MAP4K4: variants seen among roughly 807,000 people sequenced by gnomAD.
MAP4K4 encodes the protein mitogen-activated protein kinase kinase kinase kinase 4, also known as HPK/GCK-like kinase HGK.
Under a neutral mutation model 189.6 loss-of-function variants are expected in MAP4K4, and 38 were observed. That is an observed-to-expected ratio of 0.20 (90% CI 0.15 to 0.26). The LOEUF is 0.26. MAP4K4 is among the 10% of genes least tolerant of loss of function. The probability of loss-of-function intolerance (pLI) is 1.00; values close to 1 mark genes in which losing one functional copy is unlikely to be tolerated. For synonymous variants in MAP4K4, 610 were observed against 624.3 expected, an observed-to-expected ratio of 0.98 and a Z score of 0.34; for missense variants, 1,054 against 1,726.9, an observed-to-expected ratio of 0.61 and a Z score of 6.91.
At chr2:101,827,024 A>AT (rs2096391927) in intron 5 of MAP4K4, among the ~76,000 whole-genome samples, 2 of 152,144 alleles carry the variant, frequency 1.3e-5, no homozygotes, top group South Asian at 4.1e-4. Context: ...CATCAAATGT[A>AT]TTTCAGCCTT....
At chr2:101,726,693 T>C (rs1231264239) in intron 2 of MAP4K4, among the ~76,000 whole-genome samples, 1 of 152,210 alleles carries the variant, frequency 6.6e-6, no homozygotes, top group Non-Finnish European at 1.5e-5. Context: ...GAGTATAGAA[T>C]ATATTCCTTA....
chr2:101,773,020 G>C (rs77025356), intron 2 of MAP4K4, among the ~76,000 whole-genome samples: 1,637 of 152,300 alleles, frequency 0.011, 39 homozygotes, highest in African/African-American at 0.037. Flanking sequence ...CTTCACATTG[G>C]TGTAGGGTAG....
chr2:101,882,653 G>A, exon 28 of MAP4K4: 1 of 1,609,954 alleles, frequency 6.2e-7, no homozygotes, highest in Non-Finnish European at 8.5e-7. Context: ...ACAACCGTAG[G>A]GGATTTGGAA....
intron 26 of MAP4K4, among the ~76,000 whole-genome samples, chr2:101,875,082 T>A (rs768192291): frequency 2.0e-5 from 3 of 152,224 alleles, no homozygotes; most frequent in African/African-American, 4.8e-5. Flanking sequence ...CAGGAAAATA[T>A]CAAAATATTG....
chr2:101,740,398 C>T lies in MAP4K4; in HGVS notation c.123+41860C>T, dbSNP rs1020900056. On this transcript the variant is annotated intron_variant, in intron 2 of 32. Transcript: ENST00000324219. Reference sequence around the variant, plus strand: ...CTCGATCTCCTGACCTCGTGATCCGCCCGCCTCGGCCTCCCAAAGTGCTGG... The same window carrying T: ...CTCGATCTCCTGACCTCGTGATCCGTCCGCCTCGGCCTCCCAAAGTGCTGG... 1.9e-5 allele frequency among the ~76,000 whole-genome samples: 2 copies of T among 102,610 alleles called. 1 individual carries two copies. Among genetic ancestry groups the T allele is most frequent in the African/African-American group, 3.1e-4 (2 of 6,420 alleles). 67.3% of individuals were successfully genotyped at this position (102,610 alleles called of 152,430 possible). A position where few individuals can be genotyped will look rare whatever the true frequency, so the allele number is the denominator to read the frequency against.
intron 24 of MAP4K4, among the ~76,000 whole-genome samples, chr2:101,872,242 C>G (rs1437200675): frequency 6.7e-6 from 1 of 150,374 alleles, no homozygotes; most frequent in East Asian, 2.0e-4. Context: ...GGAGTTTGTT[C>G]TTTGACATTT....
intron 2 of MAP4K4, among the ~76,000 whole-genome samples, chr2:101,737,457 ATATATTTTTTTTTTTT>A (rs1251217243): frequency 2.9e-5 from 1 of 34,714 alleles, no homozygotes; most frequent in African/African-American, 1.6e-4. Context: ...ATATATATAT[ATATATTTTTTTTTTTT>A]TTTTTTTTTT....
At chr2:101,725,731 A>G (rs1174147033) in intron 2 of MAP4K4, among the ~76,000 whole-genome samples, 1 of 151,980 alleles carries the variant, frequency 6.6e-6, no homozygotes, top group East Asian at 1.9e-4. Context: ...TCTCATCAAC[A>G]CTTTTGAGGT....
At chr2:101,859,249 G>A (rs2149821990) in intron 14 of MAP4K4, among the ~76,000 whole-genome samples, 167 bp downstream of exon 14, 1 of 152,272 alleles carries the variant, frequency 6.6e-6, no homozygotes, top group East Asian at 1.9e-4. Flanking sequence ...TTGCAACATG[G>A]TCTTTATTTA....
Position 101,797,889 on chromosome 2 carries a change from GTTTTTT to G in MAP4K4, c.180+7129_180+7134del, listed in dbSNP as rs58201235. Among the ~76,000 whole-genome samples the G allele has an allele frequency of 3.9e-3, 202 of 52,340 alleles. 18 individuals are homozygous for G. Among genetic ancestry groups the G allele is most frequent in the South Asian group, 0.018 (23 of 1,250 alleles). 34.3% of individuals were successfully genotyped at this position (52,340 alleles called of 152,430 possible). A position where few individuals can be genotyped will look rare whatever the true frequency, so the allele number is the denominator to read the frequency against. On this transcript the variant is annotated intron_variant, in intron 3 of 32. Coordinates refer to ENST00000324219, the Ensembl canonical transcript of MAP4K4. ...TGAAGCTTTTTAAAACATTCTTTTA[GTTTTTT>G]TTTTTTTTTTTTTTTGGAGACCAAG...
At chr2:101,764,883 A>G (rs546190426) in intron 2 of MAP4K4, among the ~76,000 whole-genome samples, 1 of 152,330 alleles carries the variant, frequency 6.6e-6, no homozygotes, top group African/African-American at 2.4e-5. Flanking sequence ...ATAATCTCAG[A>G]TTAAAATATT....
intron 27 of MAP4K4, among the ~76,000 whole-genome samples, chr2:101,881,964 A>G (rs1277727990): frequency 6.6e-6 from 1 of 152,212 alleles, no homozygotes; most frequent in African/African-American, 2.4e-5. Flanking sequence ...ATTAGGAACC[A>G]TGCTGCTATG....
rs972827079 is a variant in MAP4K4, at chr2:101,858,941, G to T, written c.1396-55G>T. 8.1e-6 allele frequency: 11 copies of T among 1,357,792 alleles called. No individual in the cohort carries two copies. The South Asian group carries it at 1.3e-4, about 16-fold the overall frequency. 84.1% of individuals were successfully genotyped at this position (1,357,792 alleles called of 1,614,324 possible). ...TGGTTCTTGGTGCTCCATTCAGGTG[G>T]TTCTGATGCTTTTCTTTGGGATAAT... is the stretch of plus-strand genomic sequence containing the variant. On this transcript the variant is annotated intron_variant, in intron 13 of 32. Transcript: ENST00000324219.
In MAP4K4 at chr2:101,863,310, C is replaced by T. The variant is rs779096750; in HGVS notation, c.1867-511C>T. 3.3e-5 allele frequency among the ~76,000 whole-genome samples: 5 copies of T among 152,194 alleles called. No homozygotes were observed. The South Asian group carries it at 8.3e-4, about 25-fold the overall frequency. On this transcript the variant is annotated intron_variant, in intron 16 of 32. Coordinates refer to ENST00000324219, the Ensembl canonical transcript of MAP4K4. ...TTCTTGAGATATTATAGTCTCAAAA[C>T]GTGGGGTTTGTCTTTGCTCGTTGAA...
chr2:101,773,829 G>A (rs1017853227), intron 2 of MAP4K4, among the ~76,000 whole-genome samples: 2 of 152,038 alleles, frequency 1.3e-5, no homozygotes, highest in African/African-American at 2.4e-5. Flanking sequence ...GTAAATGAAC[G>A]TGCAATGTCT....
chr2:101,783,778 C>G (rs2089103013), intron 2 of MAP4K4, among the ~76,000 whole-genome samples: 2 of 152,222 alleles, frequency 1.3e-5, no homozygotes, highest in Non-Finnish European at 2.9e-5. Context: ...CAGGTCTTCT[C>G]TCTTCTGTTG....
intron 26 of MAP4K4, among the ~76,000 whole-genome samples, chr2:101,874,529 A>G (rs1412065440): frequency 6.6e-6 from 1 of 152,322 alleles, no homozygotes; most frequent in Admixed American, 6.5e-5. Context: ...GATATATTGT[A>G]TAGTGGTGAA....
intron 27 of MAP4K4, among the ~76,000 whole-genome samples, chr2:101,880,511 ATT>A (rs542768415): frequency 8.0e-5 from 11 of 137,304 alleles, no homozygotes; most frequent in Admixed American, 7.3e-5. Flanking sequence ...GTATAGTTCT[ATT>A]TTTTTTTTTT....
At chr2:101,743,106 T>C (rs1295124036) in intron 2 of MAP4K4, among the ~76,000 whole-genome samples, 3 of 152,182 alleles carry the variant, frequency 2.0e-5, no homozygotes, top group Admixed American at 6.5e-5. Context: ...GTTTTCCCCA[T>C]GAAAGATTGT....
Sources: gnomAD v4.1 joint callset for allele counts (sites outside exome capture counted in the v4.1 genomes callset) on GRCh38, gnomAD v4.1.1 for gene constraint, MANE v1.5 for transcripts, NCBI Gene and HGNC (gene_info 2026-07-23, HGNC 2026-07-21) for gene names.